Variants in KCNN2 observed in about 807,000 individuals in gnomAD.
KCNN2 encodes small conductance calcium-activated potassium channel protein 2.
Under a neutral mutation model 55.5 loss-of-function variants are expected in KCNN2, and 24 were observed. That is an observed-to-expected ratio of 0.43 (90% CI 0.31 to 0.61). The LOEUF (loss-of-function observed/expected upper bound fraction) is 0.61. Ranked by LOEUF, KCNN2 falls within the 20% of genes least tolerant of loss-of-function variation. The probability of loss-of-function intolerance (pLI) is 0.08; values close to 1 mark genes in which losing one functional copy is unlikely to be tolerated. For synonymous variants in KCNN2, 431 were observed against 336.1 expected, an observed-to-expected ratio of 1.28 and a Z score of -3.09; for missense variants, 754 against 853.6, an observed-to-expected ratio of 0.88 and a Z score of 1.45.
rs533620163 is a variant in KCNN2, at chr5:114,246,216, C to G, written c.-185+24651C>G. On this transcript the variant is annotated intron_variant, in intron 2 of 10. Transcript: ENST00000512097. ...ATAAATATATATGATACTAAAGAGG[C>G]CAAGAAATACTGATTTGTGCTTCAT... Among the ~76,000 whole-genome samples the G allele has an allele frequency of 4.6e-5, 7 of 152,110 alleles. No homozygotes were observed. In the East Asian group the frequency reaches 9.7e-4, roughly 21 times the overall value.
chr5:114,147,723 G>A (rs1752427579), intron 1 of KCNN2, among the ~76,000 whole-genome samples: 1 of 152,176 alleles, frequency 6.6e-6, no homozygotes, highest in African/African-American at 2.4e-5. Flanking sequence ...GGATGCCTAG[G>A]ATTGGTCTGA....
intron 2 of KCNN2, among the ~76,000 whole-genome samples, chr5:114,389,140 A>G (rs73782222): frequency 0.022 from 3,350 of 151,878 alleles, 99 homozygotes; most frequent in African/African-American, 0.073. Context: ...CTCTCTGTCA[A>G]TACTTGCTGC....
intron 5 of KCNN2, among the ~76,000 whole-genome samples, chr5:114,483,273 C>CTTT (rs34472228): frequency 2.8e-5 from 3 of 108,032 alleles, no homozygotes; most frequent in African/African-American, 3.4e-5. Context: ...TTCTTTCTTT[C>CTTT]TTTTTTTTTT....
intron 1 of KCNN2, among the ~76,000 whole-genome samples, chr5:114,129,441 G>C (rs1251105190): frequency 6.6e-6 from 1 of 152,136 alleles, no homozygotes; most frequent in Non-Finnish European, 1.5e-5. Flanking sequence ...CTTCATATAA[G>C]GTAACAAGAA....
intron 2 of KCNN2, among the ~76,000 whole-genome samples, chr5:114,308,962 TG>T (rs1165682392): frequency 2.6e-5 from 4 of 152,200 alleles, no homozygotes; most frequent in Non-Finnish European, 5.9e-5. Flanking sequence ...TCAAAGGAAT[TG>T]GTTATTGTAC....
At chr5:114,293,235 A>C (rs1165984378) in intron 2 of KCNN2, among the ~76,000 whole-genome samples, 1 of 152,144 alleles carries the variant, frequency 6.6e-6, no homozygotes, top group Non-Finnish European at 1.5e-5. Flanking sequence ...TATGTTGAAT[A>C]GGAGTGGTGA....
At chr5:114,160,551 G>T (rs935093265) in intron 1 of KCNN2, among the ~76,000 whole-genome samples, 3 of 152,064 alleles carry the variant, frequency 2.0e-5, no homozygotes, top group Admixed American at 6.6e-5. Context: ...TCAATTCCTG[G>T]ATATCCTTTT....
chr5:114,374,431 CT>C (rs1194032276), intron 2 of KCNN2, among the ~76,000 whole-genome samples: 1 of 152,046 alleles, frequency 6.6e-6, no homozygotes, highest in Non-Finnish European at 1.5e-5. Context: ...ATAAAAGGTG[CT>C]TTTTTCTTTT....
intron 2 of KCNN2, among the ~76,000 whole-genome samples, chr5:114,399,686 C>A (rs1465680484): frequency 1.3e-5 from 2 of 151,976 alleles, no homozygotes; most frequent in Non-Finnish European, 2.9e-5. Context: ...TCAGCTCTTA[C>A]TTATATTAAT....
chr5:114,275,474 T>A (rs1372474517), intron 2 of KCNN2, among the ~76,000 whole-genome samples: 1 of 152,138 alleles, frequency 6.6e-6, no homozygotes, highest in East Asian at 1.9e-4. Context: ...TGGACTCTTT[T>A]TGGTTGGTAG....
intron 2 of KCNN2, among the ~76,000 whole-genome samples, chr5:114,364,824 C>T (rs938479807): frequency 8.6e-5 from 13 of 151,482 alleles, no homozygotes; most frequent in Non-Finnish European, 1.9e-4. Context: ...TTAGAATTTG[C>T]ACTGTGTGGG....
chr5:114,328,036 C>G (rs1252301919), intron 2 of KCNN2, among the ~76,000 whole-genome samples: 5 of 152,290 alleles, frequency 3.3e-5, no homozygotes, highest in Middle Eastern at 3.4e-3. Context: ...GCTTTGGGCA[C>G]ATTAGTAAAT....
intron 2 of KCNN2, among the ~76,000 whole-genome samples, chr5:114,242,884 G>C (rs574553844): frequency 2.1e-4 from 32 of 152,124 alleles, no homozygotes; most frequent in African/African-American, 7.5e-4. Flanking sequence ...CCATTCTTTT[G>C]GCAGTAAATG....
At chr5:114,227,377 T>C (rs754586621) in intron 2 of KCNN2, among the ~76,000 whole-genome samples, 1 of 152,202 alleles carries the variant, frequency 6.6e-6, no homozygotes, top group Non-Finnish European at 1.5e-5. Flanking sequence ...AAAGCATCCC[T>C]AGATCCGCTT....
At chr5:114,165,058 G>A (rs1451153059) in intron 1 of KCNN2, among the ~76,000 whole-genome samples, 1 of 152,176 alleles carries the variant, frequency 6.6e-6, no homozygotes, top group Non-Finnish European at 1.5e-5. Context: ...AGTGTTAAAG[G>A]TCGGATACAA....
At chr5:114,473,779 A>G (rs1490306608) in intron 5 of KCNN2, among the ~76,000 whole-genome samples, 1 of 152,200 alleles carries the variant, frequency 6.6e-6, no homozygotes, top group Non-Finnish European at 1.5e-5. Context: ...CCATGTGTAT[A>G]AACTCACTTC....
intron 1 of KCNN2, among the ~76,000 whole-genome samples, chr5:114,109,706 C>T (rs150732840): frequency 6.6e-6 from 1 of 152,040 alleles, no homozygotes; most frequent in Non-Finnish European, 1.5e-5. Context: ...ACAAGAGGTT[C>T]CAAACTGTGG....
chr5:114,397,920 G>A (rs2150067358), intron 2 of KCNN2, among the ~76,000 whole-genome samples: 1 of 152,150 alleles, frequency 6.6e-6, no homozygotes, highest in Admixed American at 6.5e-5. Context: ...TATAGATGCT[G>A]GATATTAGAC....
intron 1 of KCNN2, among the ~76,000 whole-genome samples, chr5:114,114,395 A>G (rs1751671772): frequency 6.6e-6 from 1 of 151,926 alleles, no homozygotes; most frequent in Non-Finnish European, 1.5e-5. Flanking sequence ...GCCCAGCTAA[A>G]TTTTTAAATT....
Sources: gnomAD v4.1 joint callset for allele counts (sites outside exome capture counted in the v4.1 genomes callset) on GRCh38, gnomAD v4.1.1 for gene constraint, MANE v1.5 for transcripts, NCBI Gene and HGNC (gene_info 2026-07-23, HGNC 2026-07-21) for gene names.